Variants in RPH3A observed in about 807,000 individuals in gnomAD.
The protein encoded by RPH3A is rabphilin-3A.
A neutral mutation model predicts 102.2 loss-of-function variants in RPH3A; 48 were observed. The ratio of observed to expected loss-of-function variants is 0.47; its 90% CI spans 0.37 to 0.60. The LOEUF (loss-of-function observed/expected upper bound fraction) is 0.60, where lower values mean the gene tolerates loss of function less well. Ranked by LOEUF, RPH3A falls within the 20% of genes least tolerant of loss-of-function variation. The probability of loss-of-function intolerance (pLI) is 0.00; values close to 1 mark genes in which losing one functional copy is unlikely to be tolerated. For missense variants in RPH3A, 781 were observed against 910.1 expected, an observed-to-expected ratio of 0.86 and a Z score of 1.83; for synonymous variants, 310 against 324.3, an observed-to-expected ratio of 0.96 and a Z score of 0.47.
In RPH3A at chr12:112,679,210, G is replaced by A. The variant is rs189503363; in HGVS notation, c.-140+103891G>A. On this transcript the variant is annotated intron_variant, in intron 1 of 21. Transcript: ENST00000543106. ...ATTCTGTTGCCCAGGCTGGAGTGCA[G>A]TGGCGCAGTCTCGGCTCACTGCAAC... Among the ~76,000 whole-genome samples, 5 of 152,198 alleles carry A rather than the reference G, an allele frequency of 3.3e-5. No homozygotes were observed. The East Asian group carries it at 9.7e-4, about 29-fold the overall frequency.
At chr12:112,844,480 A>C (rs2042198357) in intron 4 of RPH3A, among the ~76,000 whole-genome samples, 1 of 152,194 alleles carries the variant, frequency 6.6e-6, no homozygotes, top group African/African-American at 2.4e-5. Context: ...TTCTTCCCCT[A>C]TCAGGCCTCC....
At chr12:112,598,081 C>G (rs2039530529) in intron 1 of RPH3A, among the ~76,000 whole-genome samples, 1 of 152,186 alleles carries the variant, frequency 6.6e-6, no homozygotes, top group Non-Finnish European at 1.5e-5. Flanking sequence ...CCATGAAGCA[C>G]TAGTAGGGCA....
chr12:112,846,861 C>T (rs368192010), intron 4 of RPH3A, among the ~76,000 whole-genome samples: 11 of 152,312 alleles, frequency 7.2e-5, no homozygotes, highest in African/African-American at 2.6e-4. Flanking sequence ...CCACAGATCC[C>T]ATTCTTTCCG....
intron 1 of RPH3A, among the ~76,000 whole-genome samples, chr12:112,664,150 A>G (rs1566248717): frequency 6.6e-6 from 1 of 152,110 alleles, no homozygotes. Flanking sequence ...CGTGTGCAAA[A>G]CCTTAGAGAG....
At chr12:112,814,038 T>G (rs561422257) in intron 2 of RPH3A, among the ~76,000 whole-genome samples, 195 of 147,800 alleles carry the variant, frequency 1.3e-3, no homozygotes, top group African/African-American at 4.1e-3. Flanking sequence ...GGGAGTGGGG[T>G]GTGTGTGTGT....
At chr12:112,761,466 C>T (rs902834202) in intron 1 of RPH3A, among the ~76,000 whole-genome samples, 1 of 152,272 alleles carries the variant, frequency 6.6e-6, no homozygotes, top group African/African-American at 2.4e-5. Context: ...GGTGTGAGCC[C>T]TGTTCATTGG....
chr12:112,637,814 G>A (rs892318611), intron 1 of RPH3A, among the ~76,000 whole-genome samples: 1 of 152,088 alleles, frequency 6.6e-6, no homozygotes. Flanking sequence ...GAAGGCAGAA[G>A]CTTCTGGGGA....
intron 4 of RPH3A, among the ~76,000 whole-genome samples, chr12:112,844,592 G>A (rs935763313): frequency 1.3e-5 from 2 of 152,156 alleles, no homozygotes; most frequent in Non-Finnish European, 2.9e-5. Context: ...CCTAGAAACT[G>A]TGAGAAAACA....
upstream of RPH3A, among the ~76,000 whole-genome samples, chr12:112,787,599 T>C (rs998914095): frequency 6.6e-6 from 1 of 152,150 alleles, no homozygotes; most frequent in African/African-American, 2.4e-5. Context: ...TGATTAGGAA[T>C]TAGGAATGCC....
chr12:112,803,462 A>T (rs2041395387), intron 2 of RPH3A, among the ~76,000 whole-genome samples: 1 of 151,716 alleles, frequency 6.6e-6, no homozygotes, highest in Non-Finnish European at 1.5e-5. Context: ...CCTCCTTCAA[A>T]CCTCATGAAG....
In RPH3A at chr12:112,708,369, C is replaced by T. The variant is rs184132028; in HGVS notation, c.-139-83774C>T. On this transcript the variant is annotated intron_variant, in intron 1 of 21. Transcript: ENST00000543106. ...CTCTTTGGGCTGTCCAGGCGGATGG[C>T]GGCATTTGCAAGGCTGCTGGGAAGA... Among the ~76,000 whole-genome samples, 518 of 152,192 alleles carry T rather than the reference C, an allele frequency of 3.4e-3. 2 individuals are homozygous for T. Among genetic ancestry groups the T allele is most frequent in the African/African-American group, 1.0e-2 (414 of 41,532 alleles).
chr12:112,838,594 G>C (rs966425959), intron 4 of RPH3A, among the ~76,000 whole-genome samples: 1 of 152,198 alleles, frequency 6.6e-6, no homozygotes. Flanking sequence ...AGAAAGAAAA[G>C]AAAAAGGATT....
chr12:112,697,035 A>C (rs770653231), intron 1 of RPH3A, among the ~76,000 whole-genome samples: 11 of 152,180 alleles, frequency 7.2e-5, no homozygotes, highest in Non-Finnish European at 1.6e-4. Context: ...GTAATATCAT[A>C]CTTAATAACT....
At chr12:112,895,449 C>T in intron 20 of RPH3A, 1 of 224,652 alleles carries the variant, frequency 4.5e-6, no homozygotes. Flanking sequence ...GATGCCCCTT[C>T]ATAAACTACC....
chr12:112,782,128 T>C (rs1237038398), intron 1 of RPH3A, among the ~76,000 whole-genome samples: 1 of 152,236 alleles, frequency 6.6e-6, no homozygotes, highest in East Asian at 1.9e-4. Flanking sequence ...TCTGTTCCTG[T>C]CCCATGCAGG....
At chr12:112,731,895 C>T (rs1257667162) in intron 1 of RPH3A, among the ~76,000 whole-genome samples, 1 of 152,160 alleles carries the variant, frequency 6.6e-6, no homozygotes, top group Admixed American at 6.5e-5. Context: ...GCCCCACCTC[C>T]CCAAAAAATC....
intron 1 of RPH3A, among the ~76,000 whole-genome samples, chr12:112,708,408 C>T (rs940173420): frequency 1.6e-4 from 24 of 152,186 alleles, no homozygotes; most frequent in Non-Finnish European, 2.5e-4. Flanking sequence ...ATGGGGCCAG[C>T]GCTGGAATTG....
chr12:112,821,763 C>T (rs1305298475), intron 2 of RPH3A, among the ~76,000 whole-genome samples: 1 of 152,132 alleles, frequency 6.6e-6, no homozygotes, highest in Non-Finnish European at 1.5e-5. Context: ...GTCAGTCTTC[C>T]CTACTAGAAG....
chr12:112,749,967 C>T (rs1245459686), intron 1 of RPH3A, among the ~76,000 whole-genome samples: 3 of 152,120 alleles, frequency 2.0e-5, no homozygotes, highest in Non-Finnish European at 4.4e-5. Flanking sequence ...CTATGGGATG[C>T]TTAATAATGC....
Sources: allele counts gnomAD v4.1 joint callset (sites outside exome capture counted in the v4.1 genomes callset), GRCh38; gene constraint gnomAD v4.1.1; transcripts MANE v1.5; gene names NCBI Gene and HGNC (gene_info 2026-07-23, HGNC 2026-07-21).